Variants in ATP9B observed in about 807,000 individuals in gnomAD.
ATP9B encodes the protein probable phospholipid-transporting ATPase IIB.
Under a neutral mutation model 146.1 loss-of-function variants are expected in ATP9B, and 110 were observed. The observed-to-expected ratio is 0.75, with a 90% confidence interval of 0.65 to 0.88. ATP9B has a LOEUF of 0.88. Among genes scored for constraint, ATP9B ranks in the 40% least tolerant of loss-of-function variants. ATP9B has a pLI of 0.00. For missense variants in ATP9B, 1,499 were observed against 1,496.4 expected (o/e 1.00, Z -0.03); for synonymous variants, 604 against 569.7 (o/e 1.06, Z -0.86).
intron 11 of ATP9B, among the ~76,000 whole-genome samples, chr18:79,232,395 AGCCCAAAGTCAGG>A (rs2095800981): frequency 1.3e-5 from 2 of 151,996 alleles, no homozygotes; most frequent in Admixed American, 1.3e-4. Flanking sequence ...CTCTGAGGAA[AGCCCAAAGTCAGG>A]GGCATAGGCA....
chr18:79,337,991 C>T (rs2096836991), intron 19 of ATP9B, among the ~76,000 whole-genome samples: 2 of 152,148 alleles, frequency 1.3e-5, no homozygotes, highest in Non-Finnish European at 2.9e-5. Context: ...TCCATTGTGA[C>T]GGCACGTGTT....
chr18:79,256,255 AGC>A (rs1491300184), intron 12 of ATP9B, among the ~76,000 whole-genome samples: 26 of 93,886 alleles, frequency 2.8e-4, no homozygotes, highest in South Asian at 2.0e-3. Context: ...AATTCTAGCT[AGC>A]TATATATATA....
chr18:79,246,409 T>A (rs1276689061), intron 11 of ATP9B, among the ~76,000 whole-genome samples: 1 of 152,196 alleles, frequency 6.6e-6, no homozygotes, highest in Non-Finnish European at 1.5e-5. Flanking sequence ...GACACCGCCC[T>A]ACTGACTGTG....
chr18:79,199,762 G>GAA (rs61015454), intron 9 of ATP9B, among the ~76,000 whole-genome samples: 1 of 139,524 alleles, frequency 7.2e-6, no homozygotes, highest in East Asian at 2.2e-4. Flanking sequence ...GACTACATCT[G>GAA]AAAAAAAAAA....
At chr18:79,308,115 T>C (rs1216494022) in intron 15 of ATP9B, among the ~76,000 whole-genome samples, 15 of 151,962 alleles carry the variant, frequency 9.9e-5, no homozygotes, top group Admixed American at 7.9e-4. Flanking sequence ...TGGAATAGAA[T>C]CTCAGCCAAG....
At chr18:79,277,246 A>G (rs756303518) in intron 13 of ATP9B, 50 bp downstream of exon 13, 25 of 1,601,548 alleles carry the variant, frequency 1.6e-5, no homozygotes, top group Non-Finnish European at 2.1e-5. Flanking sequence ...ATGACATTTA[A>G]TAAAAAATAG....
chr18:79,267,067 A>T (rs937171561), intron 12 of ATP9B, among the ~76,000 whole-genome samples: 1 of 152,102 alleles, frequency 6.6e-6, no homozygotes, highest in Non-Finnish European at 1.5e-5. Flanking sequence ...GTGAGCCTCA[A>T]CTTTTTACTG....
chr18:79,375,018 G>T (rs2097095068), intron 28 of ATP9B, among the ~76,000 whole-genome samples: 1 of 152,228 alleles, frequency 6.6e-6, no homozygotes, highest in African/African-American at 2.4e-5. Flanking sequence ...CTGAAGATCA[G>T]TAGTAACACG....
At chr18:79,207,885 C>T (rs891620927) in intron 10 of ATP9B, among the ~76,000 whole-genome samples, 1 of 152,082 alleles carries the variant, frequency 6.6e-6, no homozygotes, top group East Asian at 1.9e-4. Flanking sequence ...AGCAAGTGTT[C>T]TAGGTAATGT....
intron 17 of ATP9B, among the ~76,000 whole-genome samples, chr18:79,333,927 A>G (rs1600116706): frequency 6.6e-6 from 1 of 152,312 alleles, no homozygotes; most frequent in East Asian, 1.9e-4. Flanking sequence ...CAAATTTGAA[A>G]TTTGAGAGGG....
At chr18:79,230,029 TA>T (rs146569431) in intron 11 of ATP9B, among the ~76,000 whole-genome samples, 2,407 of 152,238 alleles carry the variant, frequency 0.016, 68 homozygotes, top group African/African-American at 0.055. Context: ...AAATGAAATT[TA>T]TAGATATGTC....
At chr18:79,248,990 G>C (rs1484485236) in intron 11 of ATP9B, among the ~76,000 whole-genome samples, 1 of 151,790 alleles carries the variant, frequency 6.6e-6, no homozygotes, top group Non-Finnish European at 1.5e-5. Flanking sequence ...GAACTTAGTA[G>C]TATGATGTGA....
Position 79,377,970 on chromosome 18 carries a change from A to G in ATP9B, c.*587A>G, listed in dbSNP as rs938203566. The G allele has an allele frequency of 1.3e-5, 2 of 153,290 alleles. No homozygotes were observed. Among genetic ancestry groups the G allele is most frequent in the African/African-American group, 4.8e-5 (2 of 41,480 alleles). 9.5% of individuals were successfully genotyped at this position (153,290 alleles called of 1,614,324 possible). A position where few individuals can be genotyped will look rare whatever the true frequency, so the allele number is the denominator to read the frequency against. On this transcript the variant is annotated 3_prime_UTR_variant, in exon 30 of 30. Coordinates refer to ENST00000426216, the MANE Select transcript of ATP9B (RefSeq NM_198531.5). ...ATTGAAGCAGCTTGAGTTTCTACTGAAAATGAGCCCGAATTATTTCACTAT... is the reference window on the plus strand; with the variant it reads ...ATTGAAGCAGCTTGAGTTTCTACTGGAAATGAGCCCGAATTATTTCACTAT...
At chr18:79,108,343 A>G (rs2075790770) in intron 2 of ATP9B, among the ~76,000 whole-genome samples, 1 of 152,228 alleles carries the variant, frequency 6.6e-6, no homozygotes, top group Admixed American at 6.5e-5. Context: ...ATAAAATATT[A>G]TCAGCATTTT....
At chr18:79,178,888 G>A (rs1285524812) in intron 8 of ATP9B, among the ~76,000 whole-genome samples, 2 of 152,148 alleles carry the variant, frequency 1.3e-5, no homozygotes, top group Admixed American at 6.5e-5. Flanking sequence ...GAGTTGGGGA[G>A]TCTTTTTGCC....
intron 10 of ATP9B, among the ~76,000 whole-genome samples, chr18:79,207,760 C>T (rs2095547703): frequency 6.6e-6 from 1 of 151,874 alleles, no homozygotes; most frequent in Non-Finnish European, 1.5e-5. Context: ...GCCACTCACT[C>T]CCCCATGCAT....
At chr18:79,272,862 CAT>C in intron 12 of ATP9B, among the ~76,000 whole-genome samples, 1 of 152,308 alleles carries the variant, frequency 6.6e-6, no homozygotes, top group Non-Finnish European at 1.5e-5. Context: ...TCAAGTCTGT[CAT>C]TGGTCTAAGA....
At chr18:79,277,389 C>T (rs982051853) in intron 13 of ATP9B, 193 bp downstream of exon 13, 2 of 532,332 alleles carry the variant, frequency 3.8e-6, no homozygotes, top group African/African-American at 3.7e-5. Context: ...TTCTAGTATA[C>T]ACAGTATCAT....
At chr18:79,171,689 G>A (rs1038618240) in intron 7 of ATP9B, among the ~76,000 whole-genome samples, 3 of 152,216 alleles carry the variant, frequency 2.0e-5, no homozygotes, top group South Asian at 4.2e-4. Context: ...CACCACCAAC[G>A]CAGTCAAGGT....
Sources: gnomAD v4.1 joint callset for allele counts (sites outside exome capture counted in the v4.1 genomes callset) on GRCh38, gnomAD v4.1.1 for gene constraint, MANE v1.5 for transcripts, NCBI Gene and HGNC (gene_info 2026-07-23, HGNC 2026-07-21) for gene names.